The following DOP1A variants were observed in gnomAD, a reference collection of about 807,000 sequenced individuals.
DOP1A encodes the protein DOP1 leucine zipper like protein A, also known as protein DOP1A.
In DOP1A, 90 loss-of-function variants were observed where a neutral mutation model predicts 267.6. The observed-to-expected ratio is 0.34, with a 90% CI of 0.28 to 0.40. The LOEUF (loss-of-function observed/expected upper bound fraction) is 0.40. Ranked by LOEUF, DOP1A falls within the 10% of genes least tolerant of loss-of-function variation. The pLI is 1.00. For missense variants in DOP1A, 2,437 were observed against 2,900.4 expected (o/e 0.84, Z 3.67); for synonymous variants, 932 against 999.1 (o/e 0.93, Z 1.27).
intron 3 of DOP1A, among the ~76,000 whole-genome samples, chr6:83,098,968 T>A (rs2128128779): frequency 6.6e-6 from 1 of 152,260 alleles, no homozygotes; most frequent in Non-Finnish European, 1.5e-5. Flanking sequence ...GTCTTTGACC[T>A]ACAATGAGAC....
In DOP1A at chr6:83,148,839, C is replaced by T; in HGVS notation, c.5813C>T (p.Ala1938Val). ...LKDSIQLSLP[A>V]PGQFLILGVL... ...GACTCTATACAACTGAGTCTTCCAG[C>T]TCCAGGGCAGTTTCTTATACTTGGG... Residue 1938 changes from alanine to valine, a missense_variant, in exon 27 of 39, where the codon GCT becomes GTT. By Grantham distance (64) the Ala-to-Val change is moderately conservative. Transcript: ENST00000349129. The T allele has an allele frequency of 6.5e-7, 1 of 1,544,414 alleles. No homozygotes were observed. The highest frequency in any genetic ancestry group is 8.6e-7 in the Non-Finnish European group (1 of 1,156,232).
chr6:83,113,184 TC>T, intron 6 of DOP1A, 138 bp from the exon 7 acceptor site: 1 of 592,450 alleles, frequency 1.7e-6, no homozygotes, highest in Non-Finnish European at 2.9e-6. Flanking sequence ...TATATACTAT[TC>T]AAAATAATGT....
chr6:83,130,043 T>C (rs889394438), intron 16 of DOP1A, 80 bp from the exon 17 acceptor site: 10 of 1,527,676 alleles, frequency 6.5e-6, no homozygotes, highest in Non-Finnish European at 8.8e-6. Flanking sequence ...ATTTAGTGGC[T>C]TTGTTTTTTG....
chr6:83,165,946 C>G, intron 38 of DOP1A: 1 of 366,030 alleles, frequency 2.7e-6, no homozygotes, highest in South Asian at 2.3e-5. Flanking sequence ...CAGCAAACCA[C>G]CAAACAATGA....
intron 1 of DOP1A, among the ~76,000 whole-genome samples, chr6:83,089,849 G>T (rs1770010678): frequency 6.6e-6 from 1 of 152,170 alleles, no homozygotes; most frequent in South Asian, 2.1e-4. Flanking sequence ...TAACTGTAGT[G>T]AAGAATCTTG....
chr6:83,137,951 C>T lies in DOP1A; in HGVS notation c.3909C>T (p.Ala1303=), dbSNP rs1779098132. The stretch of plus-strand genomic sequence containing the variant: ...GAGCAAAACCTAAAGTAAAACTTGC[C>T]AGAAAAAAGGATGATGACAAGAAAA... ...QPGAKPKVKL[A]RKKDDDKKKS... is the part of the protein sequence containing the mutation. The change falls in exon 21 of 39, where the codon GCC becomes GCT. Residue 1303 remains alanine, a synonymous_variant. Coordinates refer to ENST00000349129, the MANE Select transcript of DOP1A (RefSeq NM_015018.4). 2 of 1,602,702 alleles carry T rather than the reference C, an allele frequency of 1.2e-6. No individual in the cohort carries two copies. Among genetic ancestry groups the T allele is most frequent in the Non-Finnish European group, 1.7e-6 (2 of 1,176,792 alleles).
chr6:83,075,119 A>G (rs978768657), intron 1 of DOP1A, among the ~76,000 whole-genome samples: 3 of 152,244 alleles, frequency 2.0e-5, no homozygotes, highest in Admixed American at 1.3e-4. Context: ...CATATTATAA[A>G]CACTATTCTG....
At chr6:83,088,492 A>G (rs996045958) in intron 1 of DOP1A, among the ~76,000 whole-genome samples, 9 of 136,886 alleles carry the variant, frequency 6.6e-5, no homozygotes, top group Non-Finnish European at 1.5e-5. Context: ...GCGCGATCTC[A>G]GCTCACTGCA....
At chr6:83,081,708 A>G (rs1222369049) in intron 1 of DOP1A, among the ~76,000 whole-genome samples, 2 of 152,244 alleles carry the variant, frequency 1.3e-5, no homozygotes, top group East Asian at 3.8e-4. Flanking sequence ...GAAATTAAAA[A>G]GCTTCTGCAC....
chr6:83,074,240 G>A (rs1017489040), intron 1 of DOP1A, among the ~76,000 whole-genome samples: 1 of 152,130 alleles, frequency 6.6e-6, no homozygotes, highest in Non-Finnish European at 1.5e-5. Flanking sequence ...TGGTCCTTTG[G>A]GAGGGGGGTA....
chr6:83,138,311 G>T lies in DOP1A; in HGVS notation c.4269G>T (p.Leu1423Phe). Reference protein sequence around the residue: ...TPQLSLLQNLLARHRISVMGK... With the variant: ...TPQLSLLQNLFARHRISVMGK... ...AGTTGTCTCTCCTTCAGAATCTATT[G>T]GCCAGACACCGGATTTCTGTTATGG... Residue 1423 changes from leucine to phenylalanine, a missense_variant, in exon 21 of 39, where the codon TTG (leucine) becomes TTT (phenylalanine). Leu to Phe is a conservative substitution (Grantham distance 22). Coordinates refer to ENST00000349129, the MANE Select transcript of DOP1A (RefSeq NM_015018.4). The T allele has an allele frequency of 6.2e-7, 1 of 1,612,422 alleles. No individual in the cohort carries two copies.
chr6:83,147,374 TGA>T (rs1209022889), intron 26 of DOP1A, 83 bp downstream of exon 26: 1 of 717,836 alleles, frequency 1.4e-6, no homozygotes, highest in Non-Finnish European at 2.1e-6. Context: ...ATATAAGTAA[TGA>T]GTGTCTTAAC....
At chr6:83,167,040 G>A (rs565617048) in intron 38 of DOP1A, 10 of 985,328 alleles carry the variant, frequency 1.0e-5, no homozygotes, top group Middle Eastern at 5.2e-4. Context: ...CTGTGTTTGT[G>A]TAATTCAGGT....
intron 1 of DOP1A, among the ~76,000 whole-genome samples, chr6:83,078,644 CT>C (rs1487493200): frequency 6.6e-6 from 1 of 152,142 alleles, no homozygotes; most frequent in Non-Finnish European, 1.5e-5. Context: ...GCTTGACAGA[CT>C]TTACAGCATT....
At chr6:83,069,914 T>C (rs1785316861) in intron 1 of DOP1A, among the ~76,000 whole-genome samples, 1 of 152,198 alleles carries the variant, frequency 6.6e-6, no homozygotes, top group African/African-American at 2.4e-5. Context: ...ACCCAAAATG[T>C]GCTTACTGTG....
chr6:83,160,058 G>A, intron 37 of DOP1A, 98 bp downstream of exon 37: 1 of 1,136,970 alleles, frequency 8.8e-7, no homozygotes, highest in Non-Finnish European at 1.3e-6. Context: ...TGTGTAAGTT[G>A]AAATATTCCT....
chr6:83,119,925 G>C, intron 9 of DOP1A, 68 bp downstream of exon 9: 15 of 1,289,878 alleles, frequency 1.2e-5, no homozygotes, highest in Non-Finnish European at 1.2e-5. Context: ...AGTGTAAGAC[G>C]AGGTCTTGCC....
chr6:83,131,807 T>C (rs1433031755), intron 17 of DOP1A, among the ~76,000 whole-genome samples: 3 of 152,178 alleles, frequency 2.0e-5, no homozygotes, highest in African/African-American at 4.8e-5. Flanking sequence ...GGCTAACTTT[T>C]TGTATTTTTA....
intron 10 of DOP1A, among the ~76,000 whole-genome samples, chr6:83,121,693 A>G (rs1350201602): frequency 6.6e-6 from 1 of 151,718 alleles, no homozygotes; most frequent in African/African-American, 2.4e-5. Flanking sequence ...AACTGGCAAA[A>G]CCAATTTCTC....
Sources: gnomAD v4.1 joint callset for allele counts (sites outside exome capture counted in the v4.1 genomes callset) on GRCh38, gnomAD v4.1.1 for gene constraint, MANE v1.5 for transcripts, NCBI Gene and HGNC (gene_info 2026-07-23, HGNC 2026-07-21) for gene names.